ASRGL1: variants seen among roughly 807,000 people sequenced by gnomAD.
ASRGL1 encodes the protein asparaginase and isoaspartyl peptidase 1.
A neutral mutation model predicts 22.4 loss-of-function variants in ASRGL1; 16 were observed. The ratio of observed to expected loss-of-function variants is 0.71; its 90% CI spans 0.48 to 1.08. The LOEUF is 1.08. Among genes scored for constraint, ASRGL1 ranks in the 50% least tolerant of loss-of-function variants. The pLI is 0.00. For missense variants in ASRGL1, 412 were observed against 410.1 expected, an observed-to-expected ratio of 1.00 and a Z score of -0.04; for synonymous variants, 165 against 159.3, an observed-to-expected ratio of 1.04 and a Z score of -0.27.
At chr11:62,371,180 C>T in intron 4 of ASRGL1, 2 of 1,235,666 alleles carry the variant, frequency 1.6e-6, no homozygotes, top group South Asian at 1.7e-5. Flanking sequence ...GAGCTGAGCT[C>T]GGGCAACGGC....
At chr11:62,385,869 A>G (rs1028280403) in intron 4 of ASRGL1, among the ~76,000 whole-genome samples, 3 of 151,874 alleles carry the variant, frequency 2.0e-5, no homozygotes, top group Admixed American at 2.0e-4. Flanking sequence ...CATCTCAAAA[A>G]TGAAATAAAA....
chr11:62,338,137 G>T lies in ASRGL1; in HGVS notation c.160G>T (p.Ala54Ser), dbSNP rs767741946. The part of the protein sequence containing the change: ...AVDAVEGAVV[A>S]LEDDPEFNAG... ...GGATGCCGTAGAGGGAGCTGTCGTC[G>T]CCCTGGAAGACGATCCCGAGTTCAA... The change falls in exon 2 of 7, where the codon GCC becomes TCC. Residue 54 changes from alanine to serine, a missense_variant. Coordinates refer to ENST00000415229, the MANE Select transcript of ASRGL1 (RefSeq NM_001083926.2). 6 of 1,589,382 alleles carry T rather than the reference G, an allele frequency of 3.8e-6. No individual in the cohort carries two copies. Among genetic ancestry groups the T allele is most frequent in the Non-Finnish European group, 5.1e-6 (6 of 1,169,216 alleles).
In ASRGL1 at chr11:62,392,597, AAAG is replaced by A. The variant is rs1342094704; in HGVS notation, c.*316_*318del. On this transcript the variant is annotated 3_prime_UTR_variant, in exon 7 of 7. Transcript: ENST00000415229. ...AAAAAAAAAAAAAAGAAAAGGGAAA[AAAG>A]AAAGAAAGCAGCAGCATGATCCTGA... The A allele has an allele frequency of 2.7e-4, 105 of 387,214 alleles. No homozygotes were observed. Among genetic ancestry groups the A allele is most frequent in the African/African-American group, 2.1e-3 (100 of 48,232 alleles). 24.0% of individuals were successfully genotyped at this position (387,214 alleles called of 1,614,324 possible).
At chr11:62,348,489 A>T (rs1211924380) in intron 2 of ASRGL1, among the ~76,000 whole-genome samples, 1 of 152,144 alleles carries the variant, frequency 6.6e-6, no homozygotes, top group Non-Finnish European at 1.5e-5. Flanking sequence ...GGATCACCTG[A>T]GGTCAGGAGA....
chr11:62,357,902 CAG>C (rs955920158), intron 4 of ASRGL1, among the ~76,000 whole-genome samples: 2 of 152,086 alleles, frequency 1.3e-5, no homozygotes, highest in African/African-American at 4.8e-5. Context: ...GATATTTAAT[CAG>C]AGGTATACCT....
At chr11:62,362,558 T>A (rs1238432148) in intron 4 of ASRGL1, among the ~76,000 whole-genome samples, 1,036 of 10,954 alleles carry the variant, frequency 0.095, 21 homozygotes, top group Non-Finnish European at 0.15. Context: ...ATAACATATA[T>A]TATTTATATA....
chr11:62,341,475 AG>A (rs1416866692), intron 2 of ASRGL1, among the ~76,000 whole-genome samples: 1 of 152,106 alleles, frequency 6.6e-6, no homozygotes, highest in African/African-American at 2.4e-5. Flanking sequence ...CTGGGATTAC[AG>A]GTGTGAGCCA....
At chr11:62,371,551 C>A in intron 4 of ASRGL1, 1 of 704,916 alleles carries the variant, frequency 1.4e-6, no homozygotes. Context: ...TCTCAAGTAC[C>A]CAGGGACACA....
chr11:62,380,297 ATTTTCATCGGTAATTGAC>A (rs1210999768), intron 4 of ASRGL1, among the ~76,000 whole-genome samples: 2 of 151,814 alleles, frequency 1.3e-5, no homozygotes, highest in Non-Finnish European at 2.9e-5. Flanking sequence ...CCTTACGGGC[ATTTTCATCGGTAATTGAC>A]TTTTGAGCAG....
chr11:62,373,051 A>G, intron 4 of ASRGL1: 20 of 1,400,404 alleles, frequency 1.4e-5, no homozygotes, highest in Non-Finnish European at 1.9e-5. Context: ...AAGACTCTGC[A>G]TGGCATTTTC....
At chr11:62,362,592 A>T (rs11231045) in intron 4 of ASRGL1, among the ~76,000 whole-genome samples, 648 of 22,100 alleles carry the variant, frequency 0.029, 13 homozygotes, top group African/African-American at 0.05. Context: ...AAAATATATA[A>T]TATATATTAT....
chr11:62,395,330 T>C (rs1441758222), downstream of ASRGL1, among the ~76,000 whole-genome samples: 1 of 151,862 alleles, frequency 6.6e-6, no homozygotes, highest in Admixed American at 6.6e-5. Flanking sequence ...GACAGATACA[T>C]CGTCATGTGG....
chr11:62,352,768 G>A (rs901782162), intron 2 of ASRGL1, among the ~76,000 whole-genome samples: 5 of 151,950 alleles, frequency 3.3e-5, no homozygotes, highest in Admixed American at 1.3e-4. Context: ...TCTGGCCTCC[G>A]TGGTTTCTGG....
At chr11:62,348,571 C>T (rs193095393) in intron 2 of ASRGL1, among the ~76,000 whole-genome samples, 279 of 152,120 alleles carry the variant, frequency 1.8e-3, no homozygotes, top group African/African-American at 6.3e-3. Flanking sequence ...GGCGTGGTGT[C>T]TCACGCCAGT....
At chr11:62,394,354 A>G (rs1001613951), downstream of ASRGL1, among the ~76,000 whole-genome samples, 2 of 141,488 alleles carry the variant, frequency 1.4e-5, no homozygotes, top group African/African-American at 5.2e-5. Context: ...TATTATATAT[A>G]ATATGTAAAT....
At chr11:62,390,606 AT>A (rs1460375766) in intron 5 of ASRGL1, among the ~76,000 whole-genome samples, 1 of 152,178 alleles carries the variant, frequency 6.6e-6, no homozygotes, top group Non-Finnish European at 1.5e-5. Flanking sequence ...CGGTCAGTTA[AT>A]TCCCCAGCAG....
chr11:62,380,763 T>C (rs1947046303), intron 4 of ASRGL1, among the ~76,000 whole-genome samples: 1 of 152,084 alleles, frequency 6.6e-6, no homozygotes, highest in South Asian at 2.1e-4. Flanking sequence ...TCATATCTTT[T>C]AACATTTTTA....
At chr11:62,359,135 G>A (rs112616429) in intron 4 of ASRGL1, among the ~76,000 whole-genome samples, 2 of 152,260 alleles carry the variant, frequency 1.3e-5, no homozygotes, top group African/African-American at 4.8e-5. Flanking sequence ...TTGTGTATGG[G>A]TAGGTCTAGA....
chr11:62,394,039 TAA>T (rs531616182), downstream of ASRGL1, among the ~76,000 whole-genome samples: 746 of 144,328 alleles, frequency 5.2e-3, 5 homozygotes, highest in Non-Finnish European at 8.3e-3. Flanking sequence ...ATATAATATA[TAA>T]GTTACAATAT....
Sources: allele counts gnomAD v4.1 joint callset (sites outside exome capture counted in the v4.1 genomes callset), GRCh38; gene constraint gnomAD v4.1.1; transcripts MANE v1.5; gene names NCBI Gene and HGNC (gene_info 2026-07-23, HGNC 2026-07-21).